Variants in CENPT observed in about 807,000 individuals in gnomAD.
CENPT encodes centromere protein T.
A neutral mutation model predicts 59.7 loss-of-function variants in CENPT; 42 were observed. That is an observed-to-expected ratio of 0.70 (90% CI 0.55 to 0.91). CENPT has a LOEUF of 0.91. Among genes scored for constraint, CENPT ranks in the 40% least tolerant of loss-of-function variants. CENPT has a pLI of 0.00. For missense variants in CENPT, 716 were observed against 713.4 expected, an observed-to-expected ratio of 1.00 and a Z score of -0.04; for synonymous variants, 295 against 289.6, an observed-to-expected ratio of 1.02 and a Z score of -0.19.
rs928722061 is a variant in CENPT at position 67,839,766 on chromosome 16, T to C, written c.-491-4108A>G. ...CCTGGCGCCTGTAATCCCAGCTACT[T>C]GGGAGGCTGAGGCAGGAGAATCTCT... is the stretch of plus-strand genomic sequence containing the variant. On this transcript the variant is annotated intron_variant, in intron 1 of 15. Transcript: ENST00000562787. Among the ~76,000 whole-genome samples, 3 of 151,952 alleles carry C rather than the reference T, an allele frequency of 2.0e-5. No individual in the cohort carries two copies. The East Asian group carries it at 5.8e-4, about 29-fold the overall frequency.
At chr16:67,847,094 C>G (rs1043358011) in intron 1 of CENPT, 3 of 150,276 alleles carry the variant, frequency 2.0e-5, no homozygotes, top group Non-Finnish European at 3.0e-5. Flanking sequence ...CCCCTCCCCC[C>G]CCCCCGGCGG....
intron 1 of CENPT, among the ~76,000 whole-genome samples, 169 bp from the exon 2 acceptor site, chr16:67,835,827 AGTTTTTTTTTTGTTTTT>A (rs895914359): frequency 1.3e-5 from 2 of 150,862 alleles, no homozygotes; most frequent in Non-Finnish European, 3.0e-5. Flanking sequence ...ACCTAAATGC[AGTTTTTTTTTTGTTTTT>A]GTTTTTTTTT....
At position 67,842,734 on chromosome 16, in the gene CENPT, C is replaced by A. The variant is rs941518976; in HGVS notation, c.-492+4667G>T. On this transcript the variant is annotated intron_variant, in intron 1 of 15. Transcript: ENST00000562787. This position sits in a 1 kb window ranked among gnomAD's most constrained non-coding sequence, Gnocchi z 4.9. ...TCCAGCCCACCACAGGCCACCGTCTCTGCAGCGTTCACTTCCAGGGCGGCC... is the reference window on the plus strand; with the variant it reads ...TCCAGCCCACCACAGGCCACCGTCTATGCAGCGTTCACTTCCAGGGCGGCC... The A allele has an allele frequency of 6.2e-7, 1 of 1,608,326 alleles. No homozygotes were observed. The highest frequency in any genetic ancestry group is 8.5e-7 in the Non-Finnish European group (1 of 1,177,496).
chr16:67,828,775 CT>C lies in CENPT; in HGVS notation c.1348del (p.Arg450GlyfsTer11). ...HPPRPRTTGP[R>X]PRQDPHKAGL... Reference sequence around the variant, plus strand: ...AGCCTTGTGGGGATCTTGCCGGGGCCTGGGGCCGGTGGTCCGGGGCCTAGGG... The same window carrying C: ...AGCCTTGTGGGGATCTTGCCGGGGCCGGGGCCGGTGGTCCGGGGCCTAGGG... On this transcript the variant is annotated frameshift_variant, in exon 14 of 16. Transcript: ENST00000562787. LOFTEE classifies it high-confidence loss of function. The C allele has an allele frequency of 6.2e-7, 1 of 1,609,618 alleles. No individual in the cohort carries two copies. The highest frequency in any genetic ancestry group is 8.5e-7 in the Non-Finnish European group (1 of 1,178,854).
In CENPT at chr16:67,828,711, G is replaced by A; in HGVS notation, c.1413C>T (p.Ala471=). The change falls in exon 14 of 16, where the codon GCC becomes GCT. Residue 471 remains alanine, a synonymous_variant. Transcript: ENST00000562787. ...GAGCCTTCCTCTCCATGGGCATCTTGGCATAGAAGCTAAAGAGTTTCACAT... is the reference window on the plus strand; with the variant it reads ...GAGCCTTCCTCTCCATGGGCATCTTAGCATAGAAGCTAAAGAGTTTCACAT... ...SHYVKLFSFY[A]KMPMERKALE... 1 of 1,614,120 alleles carries A rather than the reference G, an allele frequency of 6.2e-7. No homozygotes were observed. Among genetic ancestry groups the A allele is most frequent in the Middle Eastern group, 1.6e-4 (1 of 6,062 alleles).
intron 13 of CENPT, chr16:67,829,050 C>T (rs910938988): frequency 3.8e-5 from 21 of 554,724 alleles, no homozygotes; most frequent in African/African-American, 2.5e-4. Context: ...CCTCCACAGT[C>T]GACTCGACAT....
At position 67,828,677 on chromosome 16, in the gene CENPT, C is replaced by T. The variant is rs1385043679; in HGVS notation, c.1447G>A (p.Val483Met). The change falls in exon 14 of 16, where the codon GTG (valine) becomes ATG (methionine). Residue 483 changes from valine to methionine, a missense_variant. Val to Met is a conservative substitution (Grantham distance 21). Coordinates refer to ENST00000562787, the MANE Select transcript of CENPT (RefSeq NM_025082.4). ...GTGCCCAGGACTCACCACTTCTCCA[C>T]CATCTCAAGAGCCTTCCTCTCCATG... ...MPMERKALEM[V>M]EKCLDKYFQH... The T allele has an allele frequency of 1.9e-6, 3 of 1,614,092 alleles. No individual in the cohort carries two copies. The highest frequency in any genetic ancestry group is 2.5e-6 in the Non-Finnish European group (3 of 1,180,042).
At chr16:67,829,610 G>T (rs185237711) in intron 12 of CENPT, 94 bp from the exon 13 acceptor site, 384 of 1,366,492 alleles carry the variant, frequency 2.8e-4, no homozygotes, top group Admixed American at 4.5e-4. Context: ...GTTTCTGGTG[G>T]GCCCCACCTA....
chr16:67,830,426 T>C lies in CENPT; in HGVS notation c.826A>G (p.Lys276Glu). 1 of 1,613,964 alleles carries C rather than the reference T, an allele frequency of 6.2e-7. No individual in the cohort carries two copies. The highest frequency in any genetic ancestry group is 8.5e-7 in the Non-Finnish European group (1 of 1,179,954). The change falls in exon 11 of 16, where the codon AAG (lysine) becomes GAG (glutamate). Residue 276 changes from lysine (K) to glutamate (E), a missense_variant. By Grantham distance (56) the Lys-to-Glu change is moderately conservative. Coordinates refer to ENST00000562787, the MANE Select transcript of CENPT (RefSeq NM_025082.4). ...AGCCCAGGCCCACTGCTCTGTGTCT[T>C]GCGACCGGCAGCCTGCTCAGCGTCT... Reference protein sequence around the residue: ...AEDAEQAAGRKTQSSGPGLQK... With the variant: ...AEDAEQAAGRETQSSGPGLQK...
intron 1 of CENPT, among the ~76,000 whole-genome samples, chr16:67,840,381 C>T (rs1567373062): frequency 6.6e-6 from 1 of 152,090 alleles, no homozygotes; most frequent in African/African-American, 2.4e-5. Context: ...CTGTGATCTG[C>T]TATCAGGAGA....
intron 11 of CENPT, 86 bp from the exon 12 acceptor site, chr16:67,830,174 C>T (rs1247436059): frequency 7.4e-7 from 1 of 1,351,208 alleles, no homozygotes; most frequent in East Asian, 2.4e-5. Context: ...GACCAGCAGA[C>T]CCAGTCCTGC....
rs2057668844 is a variant in CENPT, at chr16:67,829,994, T to G, written c.957A>C (p.Gly319=). The change falls in exon 12 of 16, where the codon GGA becomes GGC. Residue 319 remains glycine (G), a synonymous_variant. Coordinates refer to ENST00000562787, the MANE Select transcript of CENPT (RefSeq NM_025082.4). ...CGTGTAAGGGCTCTACTTCATCTTC[T>G]CCAGAGACACCACTGCTGGTGCTCA... ...GFLSTSSGVS[G]EDEVEPLHDG... 6.2e-7 allele frequency: 1 copy of G among 1,614,084 alleles called. No individual in the cohort carries two copies. The highest frequency in any genetic ancestry group is 1.1e-5 in the South Asian group (1 of 91,084).
intron 1 of CENPT, among the ~76,000 whole-genome samples, chr16:67,846,102 G>A (rs912240251): frequency 2.0e-5 from 3 of 152,208 alleles, no homozygotes; most frequent in African/African-American, 4.8e-5. Context: ...GTGTTACCAA[G>A]AAAACAAATG....
intron 1 of CENPT, chr16:67,841,874 G>A (rs1424746638): frequency 6.6e-6 from 1 of 152,380 alleles, no homozygotes; most frequent in Non-Finnish European, 1.5e-5. Flanking sequence ...CGACTCAAAG[G>A]GGCTCGGGGC....
Position 67,828,497 on chromosome 16 carries a change from C to G in CENPT, c.1539G>C (p.Glu513Asp), listed in dbSNP as rs933603122. The change falls in exon 15 of 16, where the codon GAG becomes GAC. Residue 513 changes from glutamate (E) to aspartate (D), a missense_variant. Glu to Asp is a conservative substitution (Grantham distance 45, BLOSUM62 2). Transcript: ENST00000562787. ...ACCGCCGCATCAGCAGCTCCAGGTCCTCTGGCTTCACAGTCTTGCGGCCAG... is the reference window on the plus strand; with the variant it reads ...ACCGCCGCATCAGCAGCTCCAGGTCGTCTGGCTTCACAGTCTTGCGGCCAG... ...AHAGRKTVKP[E>D]DLELLMRRQG... 1.9e-6 allele frequency: 3 copies of G among 1,614,148 alleles called. No individual in the cohort carries two copies. The African/African-American group carries it at 4.0e-5, about 22-fold the overall frequency.
intron 12 of CENPT, 81 bp from the exon 13 acceptor site, chr16:67,829,597 C>A (rs1184679493): frequency 3.5e-6 from 5 of 1,416,970 alleles, no homozygotes; most frequent in East Asian, 2.4e-5. Flanking sequence ...GTATTTCTGT[C>A]CTGTTTCTGG....
Position 67,835,280 on chromosome 16 carries a change from T to C in CENPT, c.-350A>G, listed in dbSNP as rs1372796199. 1 of 152,208 alleles carries C rather than the reference T, an allele frequency of 6.6e-6. No homozygotes were observed. Among genetic ancestry groups the C allele is most frequent in the Non-Finnish European group, 1.5e-5 (1 of 68,032 alleles). The allele number at this position is 152,208 out of a possible 1,614,324, so 9.4% of individuals were successfully genotyped here. On this transcript the variant is annotated 5_prime_UTR_variant, in exon 3 of 16. Coordinates refer to ENST00000562787, the MANE Select transcript of CENPT (RefSeq NM_025082.4). ...CTTGGTTTCTGAGTCTTCCGTGGAGTTCACTTTCCCAGAATCTGCACTGAG... is the reference window on the plus strand; with the variant it reads ...CTTGGTTTCTGAGTCTTCCGTGGAGCTCACTTTCCCAGAATCTGCACTGAG...
At chr16:67,841,935 CA>C (rs2057763764) in intron 1 of CENPT, 1 of 152,398 alleles carries the variant, frequency 6.6e-6, no homozygotes, top group African/African-American at 2.4e-5. Flanking sequence ...TCCTGGTCCG[CA>C]GTAACTCGAT....
rs763532068 is a variant in CENPT at position 67,842,635 on chromosome 16, A to C, written c.-492+4766T>G. ...AGGCGCTGCACTTCTACACGTTTCC[A>C]AAGGACGCTGAGTTGCGGCGCCTCT... On this transcript the variant is annotated intron_variant, in intron 1 of 15. Coordinates refer to ENST00000562787, the MANE Select transcript of CENPT (RefSeq NM_025082.4). The surrounding 1 kb of genome is among the most constrained non-coding windows in gnomAD (Gnocchi z 4.9). 3 of 1,553,522 alleles carry C rather than the reference A, an allele frequency of 1.9e-6. No individual in the cohort carries two copies. The highest frequency in any genetic ancestry group is 2.4e-5 in the East Asian group (1 of 41,118).
Sources: gnomAD v4.1 joint callset for allele counts (sites outside exome capture counted in the v4.1 genomes callset) on GRCh38, gnomAD v4.1.1 for gene constraint, Gnocchi (gnomAD v3.1) non-coding constraint, MANE v1.5 for transcripts, NCBI Gene and HGNC (gene_info 2026-07-23, HGNC 2026-07-21) for gene names.